The following CKMT2 variants were observed in gnomAD, a reference collection of about 807,000 sequenced individuals.
CKMT2 encodes the protein creatine kinase, mitochondrial 2.
Under a neutral mutation model 48.9 loss-of-function variants are expected in CKMT2, and 43 were observed. The ratio of observed to expected loss-of-function variants is 0.88; its 90% CI spans 0.69 to 1.13. The LOEUF (loss-of-function observed/expected upper bound fraction) is 1.13, where lower values mean the gene tolerates loss of function less well. Among genes scored for constraint, CKMT2 ranks in the 50% most tolerant of loss-of-function variants. CKMT2 has a pLI of 0.00. For synonymous variants in CKMT2, 206 were observed against 213.0 expected (o/e 0.97, Z 0.29); for missense variants, 472 against 555.4 (o/e 0.85, Z 1.51).
chr5:81,249,016 C>G (rs1387977980), intron 1 of CKMT2, among the ~76,000 whole-genome samples: 1 of 150,704 alleles, frequency 6.6e-6, no homozygotes, highest in Non-Finnish European at 1.5e-5. Flanking sequence ...GCAGCTGAGT[C>G]TTGGGAGCCT....
intron 1 of CKMT2, among the ~76,000 whole-genome samples, chr5:81,247,558 T>G (rs763378344): frequency 2.6e-5 from 4 of 152,248 alleles, no homozygotes; most frequent in Non-Finnish European, 4.4e-5. Context: ...AGACTAACTT[T>G]TAACATGCAA....
intron 9 of CKMT2, among the ~76,000 whole-genome samples, chr5:81,264,959 CAAT>C (rs1561289964): frequency 6.6e-6 from 1 of 152,078 alleles, no homozygotes; most frequent in South Asian, 2.1e-4. Context: ...CATTTTCCCA[CAAT>C]ATTAAGTATT....
In CKMT2 at chr5:81,257,784, C is replaced by T. The variant is rs149085733; in HGVS notation, c.807C>T (p.Thr269=). Residue 269 remains threonine (T), a synonymous_variant, in exon 7 of 10, where the codon ACC becomes ACT. Coordinates refer to ENST00000254035, the MANE Select transcript of CKMT2 (RefSeq NM_001099735.2). ...FLIWINEEDH[T]RVISMEKGGN... ...TCTGGATAAATGAGGAGGATCACAC[C>T]AGGGTAATCTCAATGGAAAAAGGAG... 6.2e-7 allele frequency: 1 copy of T among 1,612,550 alleles called. No homozygotes were observed. The highest frequency in any genetic ancestry group is 1.3e-5 in the African/African-American group (1 of 74,846).
At position 81,257,744 on chromosome 5, in the gene CKMT2, A is replaced by T; in HGVS notation, c.767A>T (p.Asp256Val). Residue 256 changes from aspartate (D) to valine (V), a missense_variant, in exon 7 of 10, where the codon GAT (aspartate) becomes GTT (valine). Transcript: ENST00000254035. ...PDARGIWHNY[D>V]KTFLIWINEE... ...TCTCTCTTCATTAGGCATAATTATGATAAGACATTTCTCATCTGGATAAAT... is the reference window on the plus strand; with the variant it reads ...TCTCTCTTCATTAGGCATAATTATGTTAAGACATTTCTCATCTGGATAAAT... The T allele has an allele frequency of 6.2e-7, 1 of 1,612,058 alleles. No individual in the cohort carries two copies. The highest frequency in any genetic ancestry group is 1.1e-5 in the South Asian group (1 of 90,924).
chr5:81,250,686 T>G (rs1273658109), intron 1 of CKMT2: 1 of 152,526 alleles, frequency 6.6e-6, no homozygotes, highest in Non-Finnish European at 1.5e-5. Context: ...AGGGTGGTCC[T>G]CAGAAATTTC....
At chr5:81,259,698 C>A (rs887337438) in intron 8 of CKMT2, among the ~76,000 whole-genome samples, 1 of 152,188 alleles carries the variant, frequency 6.6e-6, no homozygotes, top group African/African-American at 2.4e-5. Context: ...GGTCAAGGGA[C>A]TACACTTGGA....
chr5:81,251,681 T>C (rs1452180315), intron 2 of CKMT2, among the ~76,000 whole-genome samples: 1 of 152,250 alleles, frequency 6.6e-6, no homozygotes, highest in Non-Finnish European at 1.5e-5. Flanking sequence ...GCAAGGGTCC[T>C]TCTTTTTGCC....
chr5:81,255,386 G>A (rs192223148), intron 5 of CKMT2, among the ~76,000 whole-genome samples, 172 bp downstream of exon 5: 171 of 152,342 alleles, frequency 1.1e-3, no homozygotes, highest in African/African-American at 3.7e-3. Flanking sequence ...GAAGAAAGAC[G>A]AGGCCACACA....
chr5:81,242,487 T>C, intron 1 of CKMT2: 1 of 497,132 alleles, frequency 2.0e-6, no homozygotes, highest in South Asian at 1.6e-5. Context: ...TAGTTTCTTG[T>C]CATCAACCTT....
At chr5:81,238,933 C>A (rs117042618) in intron 1 of CKMT2, 3,122 of 152,312 alleles carry the variant, frequency 0.02, 31 homozygotes, top group South Asian at 0.044. Context: ...TATAAAAGCT[C>A]CTTGAGGGCA....
chr5:81,254,716 C>CTT (rs1756937139), intron 4 of CKMT2: 6 of 596,554 alleles, frequency 1.0e-5, no homozygotes, highest in Non-Finnish European at 1.8e-5. Flanking sequence ...TCATTGGGAA[C>CTT]TTTAAACCTT....
chr5:81,246,555 C>T (rs1201217060), intron 1 of CKMT2, among the ~76,000 whole-genome samples: 1 of 152,162 alleles, frequency 6.6e-6, no homozygotes. Flanking sequence ...GAATTAGAAG[C>T]CCCCACAGGA....
Position 81,233,388 on chromosome 5 carries a change from C to A in CKMT2, c.-21+11C>A, listed in dbSNP as rs572580825. ...GGCTCCGGCTTCAAGGTCGGTGAGTCCGTGAAACTCTGCTTTATTCCTCCA... is the reference window on the plus strand; with the variant it reads ...GGCTCCGGCTTCAAGGTCGGTGAGTACGTGAAACTCTGCTTTATTCCTCCA... On this transcript the variant is annotated intron_variant, in intron 1 of 9. Coordinates refer to ENST00000254035, the MANE Select transcript of CKMT2 (RefSeq NM_001099735.2). 3 of 985,678 alleles carry A rather than the reference C, an allele frequency of 3.0e-6. No individual in the cohort carries two copies. The highest frequency in any genetic ancestry group is 5.2e-4 in the Middle Eastern group (1 of 1,936). 61.1% of individuals were successfully genotyped at this position (985,678 alleles called of 1,614,324 possible). A position where few individuals can be genotyped will look rare whatever the true frequency, so the allele number is the denominator to read the frequency against.
At chr5:81,250,104 G>C (rs547608364) in intron 1 of CKMT2, among the ~76,000 whole-genome samples, 89 of 152,244 alleles carry the variant, frequency 5.8e-4, no homozygotes, top group Non-Finnish European at 1.1e-3. Context: ...ATTTGAGCTT[G>C]ACATTCTATC....
At chr5:81,254,557 T>C (rs1310051391) in intron 4 of CKMT2, 66 bp downstream of exon 4, 4 of 1,388,926 alleles carry the variant, frequency 2.9e-6, no homozygotes, top group African/African-American at 2.8e-5. Context: ...GGAAGGCCCC[T>C]GGAGAGAGGG....
chr5:81,235,278 T>C (rs186677241), intron 1 of CKMT2, among the ~76,000 whole-genome samples: 1 of 152,316 alleles, frequency 6.6e-6, no homozygotes, highest in Admixed American at 6.5e-5. Flanking sequence ...GGCTGCGTAC[T>C]AAGTGGTTTT....
In CKMT2 at chr5:81,252,884, G is replaced by A; in HGVS notation, c.342G>A (p.Glu114=). Reference sequence around the variant, plus strand: ...TGGGCATGGTGGCTGGTGACGAGGAGTCCTATGAGGTAAAACTATTGGCTG... The same window carrying A: ...TGGGCATGGTGGCTGGTGACGAGGAATCCTATGAGGTAAAACTATTGGCTG... The part of the protein sequence containing the change: ...KTVGMVAGDE[E]SYEVFADLFD... The change falls in exon 3 of 10, where the codon GAG becomes GAA. Residue 114 remains glutamate (E), a synonymous_variant. Transcript: ENST00000254035. 1 of 1,614,192 alleles carries A rather than the reference G, an allele frequency of 6.2e-7. No homozygotes were observed. The highest frequency in any genetic ancestry group is 8.5e-7 in the Non-Finnish European group (1 of 1,180,018).
At chr5:81,233,788 C>T (rs757045103) in intron 1 of CKMT2, among the ~76,000 whole-genome samples, 3 of 152,108 alleles carry the variant, frequency 2.0e-5, no homozygotes, top group Non-Finnish European at 4.4e-5. Flanking sequence ...TGTTTTTCCC[C>T]AGCAGTCTCA....
chr5:81,251,321 G>A (rs377452879), intron 2 of CKMT2, 37 bp downstream of exon 2: 40 of 1,606,786 alleles, frequency 2.5e-5, no homozygotes, highest in Non-Finnish European at 3.1e-5. Flanking sequence ...CTCAGGCCAG[G>A]CACGGTGGCT....
Sources: gnomAD v4.1 joint callset for allele counts (sites outside exome capture counted in the v4.1 genomes callset) on GRCh38, gnomAD v4.1.1 for gene constraint, MANE v1.5 for transcripts, NCBI Gene and HGNC (gene_info 2026-07-23, HGNC 2026-07-21) for gene names.